The following GATAD2B variants were observed in gnomAD, a reference collection of about 807,000 sequenced individuals.
The protein encoded by GATAD2B is transcriptional repressor p66-beta.
In GATAD2B, 8 loss-of-function variants were observed where a neutral mutation model predicts 64.3. The ratio of observed to expected loss-of-function variants is 0.12; its 90% confidence interval spans 0.07 to 0.22. The LOEUF (loss-of-function observed/expected upper bound fraction) is 0.22, where lower values mean the gene tolerates loss of function less well. Ranked by LOEUF, GATAD2B falls within the 10% of genes least tolerant of loss-of-function variation. GATAD2B has a pLI of 1.00. For synonymous variants in GATAD2B, 281 were observed against 271.3 expected (o/e 1.04, Z -0.35); for missense variants, 453 against 752.0 (o/e 0.60, Z 4.65).
chr1:153,916,493 G>T (rs77795219), intron 1 of GATAD2B, among the ~76,000 whole-genome samples: 13 of 152,236 alleles, frequency 8.5e-5, no homozygotes, highest in Non-Finnish European at 1.2e-4. Flanking sequence ...GGGAAGAAAT[G>T]ATGTTGGAAA....
At chr1:153,852,459 A>C (rs1179706165) in intron 1 of GATAD2B, 1 of 758,066 alleles carries the variant, frequency 1.3e-6, no homozygotes, top group East Asian at 2.5e-5. Context: ...CTGCTAAGTC[A>C]GGTTGCAGGC....
At chr1:153,822,584 C>A (rs982114860) in intron 2 of GATAD2B, among the ~76,000 whole-genome samples, 1 of 152,100 alleles carries the variant, frequency 6.6e-6, no homozygotes, top group African/African-American at 2.4e-5. Flanking sequence ...GCAATCTCGG[C>A]GCACTGCAAC....
intron 7 of GATAD2B, among the ~76,000 whole-genome samples, chr1:153,814,406 C>T (rs1284518754): frequency 6.6e-6 from 1 of 152,162 alleles, no homozygotes; most frequent in Non-Finnish European, 1.5e-5. Flanking sequence ...GTGTGTGTTT[C>T]TCAACTGTAA....
intron 1 of GATAD2B, among the ~76,000 whole-genome samples, chr1:153,870,907 GA>G (rs903403077): frequency 6.6e-6 from 1 of 152,090 alleles, no homozygotes; most frequent in African/African-American, 2.4e-5. Context: ...TGATACTAGA[GA>G]GAGGTTTTTT....
chr1:153,898,231 C>T (rs1431225797), intron 1 of GATAD2B, among the ~76,000 whole-genome samples: 1 of 147,134 alleles, frequency 6.8e-6, no homozygotes, highest in Admixed American at 7.0e-5. Context: ...TTGCTAGAAC[C>T]CAAAGTTCAA....
At chr1:153,844,709 CAAT>C (rs1675619503) in intron 1 of GATAD2B, among the ~76,000 whole-genome samples, 1 of 129,980 alleles carries the variant, frequency 7.7e-6, no homozygotes, top group South Asian at 2.4e-4. Context: ...GGGAATTGAA[CAAT>C]GAGATCACAT....
In GATAD2B at chr1:153,811,660, G is replaced by C. The variant is rs139528967; in HGVS notation, c.1648+71C>G. On this transcript the variant is annotated intron_variant, in intron 10 of 10. Coordinates refer to ENST00000368655, the MANE Select transcript of GATAD2B (RefSeq NM_020699.4). Reference sequence around the variant, plus strand: ...AAGTAAAGGAACAATTCCCTTAAAGGGGCTGCTACAGAACTGTATACTAAC... The same window carrying C: ...AAGTAAAGGAACAATTCCCTTAAAGCGGCTGCTACAGAACTGTATACTAAC... The C allele has an allele frequency of 3.3e-4, 288 of 875,492 alleles. 2 individuals are homozygous for C. The East Asian group carries it at 6.2e-3, about 19-fold the overall frequency. The allele number at this position is 875,492 out of a possible 1,614,324, so 54.2% of individuals were successfully genotyped here.
intron 2 of GATAD2B, among the ~76,000 whole-genome samples, chr1:153,826,281 A>C (rs916957082): frequency 4.6e-5 from 7 of 152,000 alleles, no homozygotes; most frequent in Non-Finnish European, 1.0e-4. Context: ...GGCCTCTCAA[A>C]GTGCTGGGAT....
intron 3 of GATAD2B, among the ~76,000 whole-genome samples, chr1:153,819,313 T>C (rs1415590037): frequency 6.6e-6 from 1 of 152,236 alleles, no homozygotes; most frequent in African/African-American, 2.4e-5. Flanking sequence ...AAAGTATCCT[T>C]ACAGCCAAGA....
chr1:153,833,811 CAAAAAAAAAA>C (rs71093292), intron 1 of GATAD2B, among the ~76,000 whole-genome samples: 1 of 61,946 alleles, frequency 1.6e-5, no homozygotes, highest in East Asian at 4.2e-4. Flanking sequence ...ACTCAGTCTC[CAAAAAAAAAA>C]AAAAAAAAAA....
chr1:153,836,877 A>G (rs1315440563), intron 1 of GATAD2B, among the ~76,000 whole-genome samples: 2 of 152,194 alleles, frequency 1.3e-5, no homozygotes. Context: ...TAAGTCAAAT[A>G]ATTTCCCCTT....
chr1:153,920,827 C>T (rs1216661079), intron 1 of GATAD2B, among the ~76,000 whole-genome samples: 4 of 152,190 alleles, frequency 2.6e-5, no homozygotes, highest in South Asian at 4.1e-4. Context: ...TGATGACTAT[C>T]ACTGCCACTG....
At chr1:153,896,119 C>T (rs1677586611) in intron 1 of GATAD2B, among the ~76,000 whole-genome samples, 1 of 151,792 alleles carries the variant, frequency 6.6e-6, no homozygotes, top group Non-Finnish European at 1.5e-5. Context: ...ATGATACAGC[C>T]ACTGCACTCC....
chr1:153,866,264 G>A (rs1035127441), intron 1 of GATAD2B, among the ~76,000 whole-genome samples: 3 of 151,512 alleles, frequency 2.0e-5, no homozygotes, highest in African/African-American at 4.8e-5. Context: ...TAATAGAGAG[G>A]TGAGAATGTT....
At chr1:153,894,050 A>G (rs1404640817) in intron 1 of GATAD2B, among the ~76,000 whole-genome samples, 2 of 151,916 alleles carry the variant, frequency 1.3e-5, no homozygotes, top group Non-Finnish European at 2.9e-5. Context: ...TTTATCTTCA[A>G]GGAGGTTTGT....
At position 153,816,451 on chromosome 1, in the gene GATAD2B, G is replaced by A. The variant is rs114813239; in HGVS notation, c.1038C>T (p.Ala346=). The A allele has an allele frequency of 1.5e-3, 2,419 of 1,614,120 alleles. 35 individuals carry two copies. In the African/African-American group the frequency reaches 0.03, roughly 20 times the overall value. ...LPSPSAMTDA[A]NSQAAAKLAL... is the part of the protein sequence containing the mutation. ...CCAATTTGGCTGCAGCCTGTGAGTT[G>A]GCAGCATCAGTCATGGCGCTGGGGC... Residue 346 remains alanine (A), a synonymous_variant, in exon 7 of 11, where the codon GCC becomes GCT. Coordinates refer to ENST00000368655, the MANE Select transcript of GATAD2B (RefSeq NM_020699.4). The surrounding 1 kb of genome is among the most constrained non-coding windows in gnomAD (Gnocchi z 4.9).
chr1:153,805,727 T>C lies in GATAD2B; in HGVS notation c.*4450A>G, dbSNP rs2101868650. On this transcript the variant is annotated 3_prime_UTR_variant, in exon 11 of 11. Transcript: ENST00000368655. ...GTGGCCAGATGATCCCCCTCTTCACTTCACAGATAAGAAAATTGATACTCA... is the reference window on the plus strand; with the variant it reads ...GTGGCCAGATGATCCCCCTCTTCACCTCACAGATAAGAAAATTGATACTCA... The C allele has an allele frequency of 6.6e-6, 1 of 152,292 alleles. No homozygotes were observed. The allele number at this position is 152,292 out of a possible 1,614,324, so 9.4% of individuals were successfully genotyped here. A position where few individuals can be genotyped will look rare whatever the true frequency, so the allele number is the denominator to read the frequency against.
At chr1:153,852,818 T>C (rs532358242) in intron 1 of GATAD2B, 42 of 889,248 alleles carry the variant, frequency 4.7e-5, no homozygotes, top group Non-Finnish European at 6.9e-5. Flanking sequence ...TCAACTTTTT[T>C]TGCTTCTTTT....
intron 1 of GATAD2B, among the ~76,000 whole-genome samples, chr1:153,896,429 T>A (rs1677595455): frequency 7.1e-6 from 1 of 140,382 alleles, no homozygotes. Flanking sequence ...AACAGTAAAA[T>A]TTTCTTTTTT....
Sources: allele counts gnomAD v4.1 joint callset (sites outside exome capture counted in the v4.1 genomes callset), GRCh38; gene constraint gnomAD v4.1.1; non-coding constraint Gnocchi (gnomAD v3.1); transcripts MANE v1.5; gene names NCBI Gene and HGNC (gene_info 2026-07-23, HGNC 2026-07-21).